CHN2: variants seen among roughly 807,000 people sequenced by gnomAD.
CHN2 encodes the protein chimerin 2.
Under a neutral mutation model 56.3 loss-of-function variants are expected in CHN2, and 35 were observed. The observed-to-expected ratio is 0.62, with a 90% CI of 0.47 to 0.82. The LOEUF is 0.82. Ranked by LOEUF, CHN2 falls within the 40% of genes least tolerant of loss-of-function variation. CHN2 has a pLI of 0.00. For missense variants in CHN2, 491 were observed against 580.5 expected (o/e 0.85, Z 1.58); for synonymous variants, 210 against 212.8 (o/e 0.99, Z 0.12).
intron 1 of CHN2, among the ~76,000 whole-genome samples, chr7:29,317,611 T>TCATC (rs1328440958): frequency 1.3e-5 from 2 of 152,230 alleles, no homozygotes; most frequent in Non-Finnish European, 2.9e-5. Context: ...ATTCATTCAT[T>TCATC]CATCAAACGT....
chr7:29,386,569 T>A (rs759925571), intron 3 of CHN2, among the ~76,000 whole-genome samples: 3 of 152,122 alleles, frequency 2.0e-5, no homozygotes, highest in Non-Finnish European at 4.4e-5. Context: ...ATAAAGGAAC[T>A]TGTGTTTATC....
At chr7:29,306,925 A>C (rs1301612883) in intron 1 of CHN2, among the ~76,000 whole-genome samples, 1 of 152,240 alleles carries the variant, frequency 6.6e-6, no homozygotes, top group African/African-American at 2.4e-5. Flanking sequence ...CATGTGGAAT[A>C]ATTAGCTCTC....
At chr7:29,210,594 T>A (rs960075725) in intron 1 of CHN2, among the ~76,000 whole-genome samples, 2 of 151,558 alleles carry the variant, frequency 1.3e-5, no homozygotes, top group Non-Finnish European at 2.9e-5. Context: ...TATATATAAT[T>A]TGTATATATA....
At chr7:29,512,421 T>C (rs1791584564) in intron 12 of CHN2, 143 bp from the exon 13 acceptor site, 1 of 646,550 alleles carries the variant, frequency 1.5e-6, no homozygotes, top group Admixed American at 3.7e-5. Flanking sequence ...CTTCCAAAAA[T>C]ACCTTTCTGC....
At chr7:29,308,889 T>C (rs1435048946) in intron 1 of CHN2, among the ~76,000 whole-genome samples, 1 of 152,222 alleles carries the variant, frequency 6.6e-6, no homozygotes, top group East Asian at 1.9e-4. Context: ...GCTTCTTTGT[T>C]AATTGTGTTC....
intron 12 of CHN2, among the ~76,000 whole-genome samples, chr7:29,511,430 G>A (rs1161833718): frequency 6.6e-6 from 1 of 152,206 alleles, no homozygotes; most frequent in Non-Finnish European, 1.5e-5. Flanking sequence ...CCAGAAAAAT[G>A]CTGACACCTT....
At chr7:29,306,183 A>C (rs1794147119) in intron 1 of CHN2, among the ~76,000 whole-genome samples, 1 of 152,174 alleles carries the variant, frequency 6.6e-6, no homozygotes. Flanking sequence ...TCAATAGCGC[A>C]CTGTGTAAGT....
intron 2 of CHN2, among the ~76,000 whole-genome samples, chr7:29,152,486 A>G (rs1235167751): frequency 6.6e-6 from 1 of 152,154 alleles, no homozygotes; most frequent in Non-Finnish European, 1.5e-5. Flanking sequence ...TACCCACTCT[A>G]TCCACCTTTA....
chr7:29,358,979 T>C (rs183615163), intron 2 of CHN2, among the ~76,000 whole-genome samples: 1 of 152,356 alleles, frequency 6.6e-6, no homozygotes, highest in African/African-American at 2.4e-5. Context: ...ACTCTTACTA[T>C]GTTCTTCCCT....
chr7:29,432,868 T>C (rs966829464), intron 6 of CHN2, among the ~76,000 whole-genome samples: 2 of 152,214 alleles, frequency 1.3e-5, no homozygotes, highest in African/African-American at 4.8e-5. Flanking sequence ...CTATAATTTG[T>C]CTGCTGCAAC....
chr7:29,235,578 C>T (rs1787123956), intron 1 of CHN2, among the ~76,000 whole-genome samples: 1 of 152,188 alleles, frequency 6.6e-6, no homozygotes, highest in African/African-American at 2.4e-5. Context: ...CATAAAGACA[C>T]ATGCAAGCAC....
At chr7:29,298,728 A>G (rs1019283987) in intron 1 of CHN2, among the ~76,000 whole-genome samples, 2 of 152,182 alleles carry the variant, frequency 1.3e-5, no homozygotes, top group African/African-American at 4.8e-5. Flanking sequence ...GCAGCTGGAG[A>G]TTGCTGGTTG....
intron 1 of CHN2, among the ~76,000 whole-genome samples, chr7:29,296,151 T>G (rs1793142207): frequency 6.6e-6 from 1 of 151,814 alleles, no homozygotes; most frequent in African/African-American, 2.4e-5. Flanking sequence ...TGGCGTGATC[T>G]CTGCTCACTG....
intron 1 of CHN2, among the ~76,000 whole-genome samples, chr7:29,203,304 T>G (rs969985853): frequency 6.6e-6 from 1 of 151,714 alleles, no homozygotes; most frequent in Non-Finnish European, 1.5e-5. Flanking sequence ...TGGTCTCTAC[T>G]AAAAATACAA....
At chr7:29,226,110 A>G (rs539088468) in intron 1 of CHN2, among the ~76,000 whole-genome samples, 2 of 152,210 alleles carry the variant, frequency 1.3e-5, no homozygotes, top group South Asian at 4.1e-4. Flanking sequence ...TGAGACATAA[A>G]TTCTCTGTGG....
At chr7:29,353,570 C>G (rs951788129) in intron 1 of CHN2, among the ~76,000 whole-genome samples, 1 of 152,130 alleles carries the variant, frequency 6.6e-6, no homozygotes, top group Admixed American at 6.5e-5. Context: ...AGGAGAATCA[C>G]TTGAACCCAG....
intron 2 of CHN2, among the ~76,000 whole-genome samples, chr7:29,171,549 TAC>T (rs753573145): frequency 1.3e-5 from 2 of 152,280 alleles, no homozygotes; most frequent in Non-Finnish European, 2.9e-5. Context: ...GCTTTCTTTG[TAC>T]AGAGTTTAAG....
At chr7:29,322,081 T>G (rs1474946065) in intron 1 of CHN2, among the ~76,000 whole-genome samples, 2 of 152,188 alleles carry the variant, frequency 1.3e-5, no homozygotes, top group Non-Finnish European at 2.9e-5. Flanking sequence ...TCCCAGAGAA[T>G]TATCAACCCC....
chr7:29,403,287 G>A (rs1333159046), intron 6 of CHN2, among the ~76,000 whole-genome samples: 2 of 146,008 alleles, frequency 1.4e-5, no homozygotes, highest in African/African-American at 5.0e-5. Flanking sequence ...TAGAAAAGAG[G>A]GACTGGAAAC....
Sources: gnomAD v4.1 joint callset for allele counts (sites outside exome capture counted in the v4.1 genomes callset) on GRCh38, gnomAD v4.1.1 for gene constraint, MANE v1.5 for transcripts, NCBI Gene and HGNC (gene_info 2026-07-23, HGNC 2026-07-21) for gene names.